NOS1AP: variants seen among roughly 807,000 people sequenced by gnomAD.
NOS1AP encodes carboxyl-terminal PDZ ligand of neuronal nitric oxide synthase protein.
A neutral mutation model predicts 56.2 loss-of-function variants in NOS1AP; 21 were observed. That is an observed-to-expected ratio of 0.37 (90% CI 0.26 to 0.54). The LOEUF (loss-of-function observed/expected upper bound fraction) is 0.54, where lower values mean the gene tolerates loss of function less well. Ranked by LOEUF, NOS1AP falls within the 20% of genes least tolerant of loss-of-function variation. The probability of loss-of-function intolerance (pLI) is 0.84; values close to 1 mark genes in which losing one functional copy is unlikely to be tolerated. For missense variants in NOS1AP, 522 were observed against 657.8 expected, an observed-to-expected ratio of 0.79 and a Z score of 2.26; for synonymous variants, 270 against 274.6, an observed-to-expected ratio of 0.98 and a Z score of 0.17.
In NOS1AP at chr1:162,262,316, A is replaced by G. The variant is rs540775021; in HGVS notation, c.178-25028A>G. ...TAGTGGCCAATGTATTTTCGGTGTG[A>G]TTCCAGAACCCTCATTCTTTCATTG... On this transcript the variant is annotated intron_variant, in intron 2 of 9. Transcript: ENST00000361897. Among the ~76,000 whole-genome samples, 42 of 152,322 alleles carry G rather than the reference A, an allele frequency of 2.8e-4. 1 individual carries two copies. The highest frequency in any genetic ancestry group is 9.9e-4 in the African/African-American group (41 of 41,576).
rs563712740 is a variant in NOS1AP at position 162,176,879 on chromosome 1, AT to A, written c.177+22406del. On this transcript the variant is annotated intron_variant, in intron 2 of 9. Coordinates refer to ENST00000361897, the MANE Select transcript of NOS1AP (RefSeq NM_014697.3). ...TCACTTACCTATTCAAGGACATCTTATTTCCAGATTTTGATGATTACGAATA... is the reference window on the plus strand; with the variant it reads ...TCACTTACCTATTCAAGGACATCTTATTCCAGATTTTGATGATTACGAATA... 1.4e-4 allele frequency among the ~76,000 whole-genome samples: 21 copies of A among 152,284 alleles called. No homozygotes were observed. In the East Asian group the frequency reaches 3.9e-3, roughly 28 times the overall value.
At chr1:162,221,408 GAA>G in intron 2 of NOS1AP, among the ~76,000 whole-genome samples, 1 of 152,084 alleles carries the variant, frequency 6.6e-6, no homozygotes, top group South Asian at 2.1e-4. Flanking sequence ...TTTGCTAGAA[GAA>G]AAAAATCCAA....
At chr1:162,251,161 GC>G (rs1653834302) in intron 2 of NOS1AP, among the ~76,000 whole-genome samples, 1 of 152,154 alleles carries the variant, frequency 6.6e-6, no homozygotes, top group Non-Finnish European at 1.5e-5. Context: ...TATGAACTCA[GC>G]TAATGCCTGT....
intron 1 of NOS1AP, among the ~76,000 whole-genome samples, chr1:162,136,912 G>T (rs1301740751): frequency 6.6e-6 from 1 of 152,222 alleles, no homozygotes; most frequent in Non-Finnish European, 1.5e-5. Flanking sequence ...AGGTCAACCA[G>T]AGTGCAGGTC....
intron 8 of NOS1AP, chr1:162,364,428 T>C (rs1380005457): frequency 2.1e-5 from 21 of 985,366 alleles, no homozygotes; most frequent in Non-Finnish European, 2.5e-5. Context: ...AACACTGGTA[T>C]TGGCCTTCTA....
intron 4 of NOS1AP, 90 bp from the exon 5 acceptor site, chr1:162,332,927 G>A: frequency 1.1e-6 from 1 of 912,334 alleles, no homozygotes; most frequent in South Asian, 1.3e-5. Context: ...CATGAGCTGT[G>A]CTTCAGAGTG....
chr1:162,367,362 G>C lies in NOS1AP; in HGVS notation c.1416G>C (p.Glu472Asp). Reference protein sequence around the residue: ...IASEYESNTDESEERDSWSQE... With the variant: ...IASEYESNTDDSEERDSWSQE... ...CGGAGTACGAGTCCAACACGGACGA[G>C]AGCGAGGAGCGCGACTCGTGGTCCC... The change falls in exon 10 of 10, where the codon GAG becomes GAC. Residue 472 changes from glutamate to aspartate, a missense_variant. Physicochemically the swap from Glu to Asp is conservative, Grantham distance 45 (BLOSUM62 2). Around this residue, in one of 4 missense-constraint regions of NOS1AP, gnomAD observed 160 missense variants for 180.3 expected, o/e 0.89. Transcript: ENST00000361897. This position sits in a 1 kb window ranked among gnomAD's most constrained non-coding sequence, Gnocchi z 6.5. The C allele has an allele frequency of 1.2e-6, 2 of 1,611,894 alleles. No homozygotes were observed. Among genetic ancestry groups the C allele is most frequent in the Non-Finnish European group, 1.7e-6 (2 of 1,179,238 alleles).
At chr1:162,292,456 A>G (rs1056645845) in intron 3 of NOS1AP, among the ~76,000 whole-genome samples, 3 of 152,230 alleles carry the variant, frequency 2.0e-5, no homozygotes, top group African/African-American at 7.2e-5. Flanking sequence ...GCATGTTTAC[A>G]CTTAACAAAT....
chr1:162,333,552 TA>T (rs1448533388), intron 5 of NOS1AP, among the ~76,000 whole-genome samples: 1 of 152,180 alleles, frequency 6.6e-6, no homozygotes, highest in East Asian at 1.9e-4. Context: ...GATTATTTGT[TA>T]TGGCAACCTT....
At chr1:162,163,444 C>T (rs1437928650) in intron 2 of NOS1AP, among the ~76,000 whole-genome samples, 3 of 152,076 alleles carry the variant, frequency 2.0e-5, no homozygotes, top group Non-Finnish European at 4.4e-5. Flanking sequence ...ATTGACTTCC[C>T]TTTTTGAGCC....
chr1:162,218,287 A>G (rs1652648617), intron 2 of NOS1AP, among the ~76,000 whole-genome samples: 1 of 152,122 alleles, frequency 6.6e-6, no homozygotes, highest in Non-Finnish European at 1.5e-5. Context: ...GTTTATGCAA[A>G]GTTGTTTGTC....
intron 3 of NOS1AP, among the ~76,000 whole-genome samples, chr1:162,292,920 C>G (rs1655325119): frequency 6.6e-6 from 1 of 152,166 alleles, no homozygotes. Flanking sequence ...TAAGAGAAGT[C>G]CAGTGACTGT....
chr1:162,112,157 C>A (rs1326911515), intron 1 of NOS1AP, among the ~76,000 whole-genome samples: 1 of 152,194 alleles, frequency 6.6e-6, no homozygotes, highest in African/African-American at 2.4e-5. Flanking sequence ...TGTCTGTAAT[C>A]ACACTTCTCA....
intron 2 of NOS1AP, among the ~76,000 whole-genome samples, chr1:162,210,850 GCA>G (rs1281003578): frequency 6.6e-6 from 1 of 152,178 alleles, no homozygotes; most frequent in Non-Finnish European, 1.5e-5. Context: ...CTCTGCTATT[GCA>G]CACAACGAGT....
At chr1:162,104,797 G>A (rs1239420629) in intron 1 of NOS1AP, among the ~76,000 whole-genome samples, 1 of 152,084 alleles carries the variant, frequency 6.6e-6, no homozygotes, top group Non-Finnish European at 1.5e-5. Flanking sequence ...GTGGCTATCA[G>A]CTCCTGTATT....
intron 2 of NOS1AP, among the ~76,000 whole-genome samples, chr1:162,186,118 G>A (rs1013941642): frequency 1.3e-5 from 2 of 152,172 alleles, no homozygotes; most frequent in African/African-American, 4.8e-5. Flanking sequence ...TATTCCTGGT[G>A]TGATGGATCT....
intron 1 of NOS1AP, among the ~76,000 whole-genome samples, chr1:162,148,955 C>T (rs1363722805): frequency 6.6e-6 from 1 of 152,134 alleles, no homozygotes; most frequent in Non-Finnish European, 1.5e-5. Flanking sequence ...TCGGGGATGA[C>T]TCAAGTTTCA....
At chr1:162,170,165 C>A (rs1006922377) in intron 2 of NOS1AP, among the ~76,000 whole-genome samples, 3 of 152,162 alleles carry the variant, frequency 2.0e-5, no homozygotes, top group African/African-American at 7.2e-5. Context: ...AGAGCAGTGA[C>A]CTTGTGTTGG....
chr1:162,210,133 G>A (rs1652299975), intron 2 of NOS1AP, among the ~76,000 whole-genome samples: 1 of 152,208 alleles, frequency 6.6e-6, no homozygotes, highest in African/African-American at 2.4e-5. Context: ...ATATGGGAGG[G>A]ATGGGTGGTA....
Sources: allele counts gnomAD v4.1 joint callset (sites outside exome capture counted in the v4.1 genomes callset), GRCh38; gene constraint gnomAD v4.1.1; regional missense constraint gnomAD v4.1.1; non-coding constraint Gnocchi (gnomAD v3.1); transcripts MANE v1.5; gene names NCBI Gene and HGNC (gene_info 2026-07-23, HGNC 2026-07-21).